Variants in OPCML observed in about 807,000 individuals in gnomAD.
OPCML encodes opioid-binding protein/cell adhesion molecule.
Under a neutral mutation model 37.8 loss-of-function variants are expected in OPCML, and 13 were observed. That is an observed-to-expected ratio of 0.34 (90% CI 0.22 to 0.55). The LOEUF (loss-of-function observed/expected upper bound fraction) is 0.55. OPCML is among the 20% of genes least tolerant of loss of function. The probability of loss-of-function intolerance (pLI) is 0.91; values close to 1 mark genes in which losing one functional copy is unlikely to be tolerated. For missense variants in OPCML, 341 were observed against 435.6 expected (o/e 0.78, Z 1.93); for synonymous variants, 176 against 168.8 (o/e 1.04, Z -0.33).
intron 3 of OPCML, among the ~76,000 whole-genome samples, chr11:132,615,894 A>G (rs1462937869): frequency 6.6e-6 from 1 of 152,188 alleles, no homozygotes; most frequent in South Asian, 2.1e-4. Context: ...ACCAAGAGGG[A>G]AAAAAAGGCA....
At chr11:132,514,112 C>T (rs893085687) in intron 4 of OPCML, among the ~76,000 whole-genome samples, 1 of 152,084 alleles carries the variant, frequency 6.6e-6, no homozygotes, top group Admixed American at 6.6e-5. Flanking sequence ...TAAGTACTTG[C>T]TTATTTATTT....
At chr11:132,950,199 T>C (rs1427261919) in intron 1 of OPCML, among the ~76,000 whole-genome samples, 1 of 152,090 alleles carries the variant, frequency 6.6e-6, no homozygotes, top group African/African-American at 2.4e-5. Flanking sequence ...GTTTTGCACA[T>C]CACTTTGACC....
chr11:132,893,043 C>G (rs886493918), intron 2 of OPCML, among the ~76,000 whole-genome samples: 1 of 152,152 alleles, frequency 6.6e-6, no homozygotes, highest in Non-Finnish European at 1.5e-5. Context: ...CATTTCACCC[C>G]TCTGCCATCA....
At chr11:133,183,035 G>C in intron 1 of OPCML, among the ~76,000 whole-genome samples, 1 of 152,012 alleles carries the variant, frequency 6.6e-6, no homozygotes, top group East Asian at 1.9e-4. Flanking sequence ...AGCTGGTGGA[G>C]GTTATATATG....
chr11:133,074,687 G>A (rs1264280666), intron 1 of OPCML, among the ~76,000 whole-genome samples: 1 of 152,124 alleles, frequency 6.6e-6, no homozygotes, highest in African/African-American at 2.4e-5. Context: ...GTGAGCAGCA[G>A]GATATTCTGC....
chr11:132,598,991 C>G (rs574234156), intron 3 of OPCML, among the ~76,000 whole-genome samples: 1 of 152,224 alleles, frequency 6.6e-6, no homozygotes, highest in South Asian at 2.1e-4. Context: ...AAACCTAAGC[C>G]AAGCATGGCC....
chr11:132,740,473 C>T (rs917491019), intron 2 of OPCML, among the ~76,000 whole-genome samples: 6 of 152,176 alleles, frequency 3.9e-5, no homozygotes, highest in Non-Finnish European at 5.9e-5. Context: ...TTAAGTTATT[C>T]TGCCCTGAGA....
chr11:133,325,622 G>A (rs1404256835), intron 1 of OPCML, among the ~76,000 whole-genome samples: 1 of 152,062 alleles, frequency 6.6e-6, no homozygotes, highest in African/African-American at 2.4e-5. Context: ...TCTATTAATA[G>A]GCAATAAATG....
At chr11:132,661,818 C>A (rs1031297576) in intron 2 of OPCML, among the ~76,000 whole-genome samples, 1 of 152,216 alleles carries the variant, frequency 6.6e-6, no homozygotes, top group Non-Finnish European at 1.5e-5. Flanking sequence ...TATATCAAAT[C>A]ATTCTATCCT....
intron 1 of OPCML, among the ~76,000 whole-genome samples, chr11:133,464,745 C>T (rs1048509426): frequency 1.3e-4 from 20 of 152,158 alleles, no homozygotes; most frequent in African/African-American, 3.4e-4. Context: ...TCTGTTAGCA[C>T]GCTTTCAGAA....
intron 3 of OPCML, among the ~76,000 whole-genome samples, chr11:132,545,820 G>C (rs778417604): frequency 1.3e-5 from 2 of 152,128 alleles, no homozygotes; most frequent in Non-Finnish European, 2.9e-5. Context: ...TATCTAACTA[G>C]TGCCCTATCC....
Position 133,109,555 on chromosome 11 carries a change from T to G in OPCML, c.62-166545A>C, listed in dbSNP as rs545170740. ...AATCCCCTTGCTAGCTACTGAGCGC[T>G]GATGTGTGCATTTTTATAGATCACT... On this transcript the variant is annotated intron_variant, in intron 1 of 7. Coordinates refer to ENST00000524381, the MANE Select transcript of OPCML (RefSeq NM_001012393.5). 3.3e-5 allele frequency among the ~76,000 whole-genome samples: 5 copies of G among 152,194 alleles called. No individual in the cohort carries two copies. The South Asian group carries it at 1.0e-3, about 32-fold the overall frequency.
intron 1 of OPCML, among the ~76,000 whole-genome samples, chr11:133,109,463 G>C (rs1385292697): frequency 6.6e-6 from 1 of 152,134 alleles, no homozygotes; most frequent in African/African-American, 2.4e-5. Flanking sequence ...TTAGGATCCT[G>C]ATGATTGGTG....
At chr11:132,889,452 A>G (rs559026404) in intron 2 of OPCML, among the ~76,000 whole-genome samples, 5 of 152,352 alleles carry the variant, frequency 3.3e-5, no homozygotes, top group Middle Eastern at 6.8e-3. Context: ...CCACCCACAT[A>G]GTCATGTTGT....
intron 1 of OPCML, among the ~76,000 whole-genome samples, chr11:133,161,529 G>A (rs1294664631): frequency 6.6e-6 from 1 of 152,160 alleles, no homozygotes; most frequent in Non-Finnish European, 1.5e-5. Flanking sequence ...GATAAGTGAG[G>A]CTGGCAGGAC....
intron 2 of OPCML, among the ~76,000 whole-genome samples, chr11:132,937,727 G>A (rs547251402): frequency 6.5e-4 from 99 of 151,920 alleles, no homozygotes; most frequent in African/African-American, 2.2e-3. Context: ...TGCCAGATCC[G>A]GCAGCCATGA....
chr11:132,516,230 G>A (rs903583672), intron 4 of OPCML, among the ~76,000 whole-genome samples: 6 of 152,146 alleles, frequency 3.9e-5, no homozygotes, highest in Admixed American at 1.3e-4. Flanking sequence ...TTATAGTGGG[G>A]GAAATGGAAG....
chr11:133,145,650 C>T (rs555299860), intron 1 of OPCML, among the ~76,000 whole-genome samples: 9 of 152,328 alleles, frequency 5.9e-5, no homozygotes, highest in Non-Finnish European at 1.2e-4. Flanking sequence ...GTAACCCTTA[C>T]GGCAGTACAT....
At chr11:133,101,953 G>A (rs746462173) in intron 1 of OPCML, among the ~76,000 whole-genome samples, 3 of 151,878 alleles carry the variant, frequency 2.0e-5, no homozygotes, top group Non-Finnish European at 2.9e-5. Flanking sequence ...CCAAGTGAAC[G>A]AAGCCAATCT....
Sources: gnomAD v4.1 joint callset for allele counts (sites outside exome capture counted in the v4.1 genomes callset) on GRCh38, gnomAD v4.1.1 for gene constraint, MANE v1.5 for transcripts, NCBI Gene and HGNC (gene_info 2026-07-23, HGNC 2026-07-21) for gene names.